HEPACAM2: variants seen among roughly 807,000 people sequenced by gnomAD.
HEPACAM2 encodes mitotic kinetics regulator.
Under a neutral mutation model 49.6 loss-of-function variants are expected in HEPACAM2, and 49 were observed. The ratio of observed to expected loss-of-function variants is 0.99; its 90% confidence interval spans 0.78 to 1.25. The LOEUF (loss-of-function observed/expected upper bound fraction) is 1.25, where lower values mean the gene tolerates loss of function less well. HEPACAM2 is among the 50% of genes most tolerant of loss of function. The probability of loss-of-function intolerance (pLI) is 0.00; values close to 1 mark genes in which losing one functional copy is unlikely to be tolerated. For missense variants in HEPACAM2, 525 were observed against 557.2 expected, an observed-to-expected ratio of 0.94 and a Z score of 0.58; for synonymous variants, 197 against 202.9, an observed-to-expected ratio of 0.97 and a Z score of 0.25.
chr7:93,194,568 C>T (rs766179689), intron 8 of HEPACAM2, among the ~76,000 whole-genome samples: 5 of 152,070 alleles, frequency 3.3e-5, no homozygotes, highest in Non-Finnish European at 5.9e-5. Flanking sequence ...CTGACTCACC[C>T]TTAGGGAGGA....
chr7:93,208,740 C>G lies in HEPACAM2; in HGVS notation c.852G>C (p.Arg284Ser). 1 of 1,613,154 alleles carries G rather than the reference C, an allele frequency of 6.2e-7. No individual in the cohort carries two copies. Among genetic ancestry groups the G allele is most frequent in the Non-Finnish European group, 8.5e-7 (1 of 1,179,464 alleles). ...SHPPNTYSWIRRTDNTTYIIK... is the reference protein window; with the variant it reads ...SHPPNTYSWISRTDNTTYIIK... ...TGATATATGTAGTATTGTCAGTCCT[C>G]CTAATCCAGGAGTAGGTGTTGGGGG... Residue 284 changes from arginine to serine, a missense_variant, in exon 4 of 10, where the codon AGG becomes AGC. Transcript: ENST00000394468.
intron 4 of HEPACAM2, among the ~76,000 whole-genome samples, chr7:93,202,204 G>A (rs893629772): frequency 1.3e-5 from 2 of 150,182 alleles, no homozygotes; most frequent in African/African-American, 4.9e-5. Flanking sequence ...TTTTAGATCT[G>A]ACAATAAAAT....
chr7:93,226,036 T>G, intron 1 of HEPACAM2: 1 of 614,364 alleles, frequency 1.6e-6, no homozygotes, highest in Non-Finnish European at 2.7e-6. Context: ...TTAGAATATT[T>G]GCTGAAATAA....
chr7:93,229,100 A>G (rs977838434), upstream of HEPACAM2, among the ~76,000 whole-genome samples: 3 of 152,200 alleles, frequency 2.0e-5, no homozygotes, highest in Non-Finnish European at 4.4e-5. Context: ...GAGGTGGTGA[A>G]ATGCCAAGGT....
At chr7:93,225,858 T>G (rs993374395) in intron 1 of HEPACAM2, 4 of 1,134,828 alleles carry the variant, frequency 3.5e-6, no homozygotes, top group Non-Finnish European at 4.8e-6. Context: ...GTGTAGGAAA[T>G]TTTTTTGTTA....
Position 93,219,094 on chromosome 7 carries a change from G to A in HEPACAM2, c.430+7C>T. 6.2e-7 allele frequency: 1 copy of A among 1,611,604 alleles called. No homozygotes were observed. Among genetic ancestry groups the A allele is most frequent in the Non-Finnish European group, 8.5e-7 (1 of 1,178,198 alleles). On this transcript the variant is annotated splice_region_variant and intron_variant, in intron 2 of 9. Coordinates refer to ENST00000394468, the MANE Select transcript of HEPACAM2 (RefSeq NM_001039372.4). ...CTGCTGCCCTCGTACACTCACAGGGGACTCACCATCAACCGTGACTTGTAT... is the reference window on the plus strand; with the variant it reads ...CTGCTGCCCTCGTACACTCACAGGGAACTCACCATCAACCGTGACTTGTAT...
intron 9 of HEPACAM2, among the ~76,000 whole-genome samples, chr7:93,191,742 C>T (rs1427175473): frequency 2.0e-5 from 3 of 152,026 alleles, no homozygotes; most frequent in African/African-American, 7.2e-5. Context: ...GGGTGAGAGG[C>T]CAGTCCTCAA....
At chr7:93,197,212 A>T (rs751919012) in intron 7 of HEPACAM2, 29 bp downstream of exon 7, 1 of 1,580,492 alleles carries the variant, frequency 6.3e-7, no homozygotes, top group East Asian at 2.3e-5. Flanking sequence ...ATTAAAACTG[A>T]TAATAGCCCT....
In HEPACAM2 at chr7:93,219,147, T is replaced by C. The variant is rs772182598; in HGVS notation, c.384A>G (p.Gly128=). ...GNYIVKVNIQ[G]NGTLSASQKI... ...TCTGACTGGCAGATAGAGTTCCATT[T>C]CCCTGAATGTTGACCTTCACGATGT... Residue 128 remains glycine, a synonymous_variant, in exon 2 of 10, where the codon GGA becomes GGG. Transcript: ENST00000394468. 6.2e-6 allele frequency: 10 copies of C among 1,613,778 alleles called. No individual in the cohort carries two copies. The South Asian group carries it at 9.9e-5, about 16-fold the overall frequency.
In HEPACAM2 at chr7:93,189,222, T is replaced by G. The variant is rs577538548; in HGVS notation, c.*45A>C. 501 of 1,550,836 alleles carry G rather than the reference T, an allele frequency of 3.2e-4. 7 individuals carry two copies. In the South Asian group the frequency reaches 5.5e-3, roughly 17 times the overall value. ...TTTTCCACTGTTTTTCCTTAAAATG[T>G]TTCTTCAGAATTTCACTCGAATGTA... On this transcript the variant is annotated 3_prime_UTR_variant, in exon 10 of 10. Transcript: ENST00000394468.
At chr7:93,218,957 G>A in intron 2 of HEPACAM2, 144 bp downstream of exon 2, 1 of 642,690 alleles carries the variant, frequency 1.6e-6, no homozygotes, top group Non-Finnish European at 2.7e-6. Context: ...TGTCATTAGT[G>A]CCATGAGATA....
intron 3 of HEPACAM2, among the ~76,000 whole-genome samples, chr7:93,210,515 C>T (rs181327025): frequency 1.3e-5 from 2 of 151,930 alleles, no homozygotes; most frequent in Non-Finnish European, 2.9e-5. Flanking sequence ...AGTACTAGTT[C>T]TACAATCAAT....
At chr7:93,226,020 G>T in intron 1 of HEPACAM2, 1 of 666,086 alleles carries the variant, frequency 1.5e-6, no homozygotes, top group Non-Finnish European at 2.5e-6. Flanking sequence ...ACAATTTCAT[G>T]GCCTATTAGA....
chr7:93,218,845 C>T lies in HEPACAM2; in HGVS notation c.430+256G>A, dbSNP rs1562833779. Among the ~76,000 whole-genome samples, 3 of 152,240 alleles carry T rather than the reference C, an allele frequency of 2.0e-5. No individual in the cohort carries two copies. The South Asian group carries it at 6.2e-4, about 32-fold the overall frequency. ...TTATACTTGATAGTTCCCAGGCAAA[C>T]AAACAATAAGTTATACTTAGTGCTT... On this transcript the variant is annotated intron_variant, in intron 2 of 9. Transcript: ENST00000394468.
At chr7:93,189,357 T>C in intron 9 of HEPACAM2, 87 bp from the exon 10 acceptor site, 1 of 841,708 alleles carries the variant, frequency 1.2e-6, no homozygotes, top group Non-Finnish European at 1.8e-6. Flanking sequence ...TTTTATTGCT[T>C]TCCAGGGCTA....
chr7:93,226,338 A>G (rs535628705), intron 1 of HEPACAM2, 30 bp downstream of exon 1: 18 of 1,529,088 alleles, frequency 1.2e-5, no homozygotes, highest in Non-Finnish European at 9.9e-6. Flanking sequence ...CCTAACAAAC[A>G]GCTAAAACAC....
chr7:93,197,408 G>A lies in HEPACAM2; in HGVS notation c.1139-11C>T, dbSNP rs1793756868. ...GTTTCTGTTTTATAACTAAAATCAA[G>A]AGAGAAGAAAAATGGTAAGGTTTTT... On this transcript the variant is annotated splice_polypyrimidine_tract_variant and intron_variant, in intron 5 of 9. Coordinates refer to ENST00000394468, the MANE Select transcript of HEPACAM2 (RefSeq NM_001039372.4). The A allele has an allele frequency of 1.9e-6, 3 of 1,589,738 alleles. No homozygotes were observed. The South Asian group carries it at 3.5e-5, about 18-fold the overall frequency.
chr7:93,210,597 C>T (rs1374791275), intron 3 of HEPACAM2, among the ~76,000 whole-genome samples: 2 of 151,642 alleles, frequency 1.3e-5, no homozygotes, highest in Non-Finnish European at 2.9e-5. Flanking sequence ...AGAGATGATG[C>T]TAAGTATGAG....
At chr7:93,193,412 A>G (rs1487303274) in intron 8 of HEPACAM2, among the ~76,000 whole-genome samples, 1 of 152,152 alleles carries the variant, frequency 6.6e-6, no homozygotes, top group Non-Finnish European at 1.5e-5. Flanking sequence ...GAGCTACGGT[A>G]AAAGCAATCT....
Sources: allele counts gnomAD v4.1 joint callset (sites outside exome capture counted in the v4.1 genomes callset), GRCh38; gene constraint gnomAD v4.1.1; transcripts MANE v1.5; gene names NCBI Gene and HGNC (gene_info 2026-07-23, HGNC 2026-07-21).